Variants in CNTNAP2 observed in about 807,000 individuals in gnomAD.
CNTNAP2 encodes contactin associated protein 2, also known as contactin-associated protein-like 2.
A neutral mutation model predicts 155.2 loss-of-function variants in CNTNAP2; 98 were observed. The ratio of observed to expected loss-of-function variants is 0.63; its 90% CI spans 0.54 to 0.75. The LOEUF is 0.75. CNTNAP2 is among the 30% of genes least tolerant of loss of function. CNTNAP2 has a pLI of 0.00. For synonymous variants in CNTNAP2, 651 were observed against 631.2 expected (o/e 1.03, Z -0.47); for missense variants, 1,727 against 1,688.1 (o/e 1.02, Z -0.40).
chr7:146,182,451 C>A (rs994473922), intron 1 of CNTNAP2, among the ~76,000 whole-genome samples: 3 of 152,084 alleles, frequency 2.0e-5, no homozygotes, highest in Admixed American at 6.6e-5. Flanking sequence ...AGCAGAGAAC[C>A]ATTTCCTTTC....
At chr7:147,550,187 T>C (rs1249876758) in intron 11 of CNTNAP2, among the ~76,000 whole-genome samples, 2 of 152,230 alleles carry the variant, frequency 1.3e-5, no homozygotes, top group African/African-American at 4.8e-5. Context: ...ATTTGTTAAT[T>C]ATTTTTCAGT....
At chr7:147,214,568 C>T (rs1803226738) in intron 8 of CNTNAP2, among the ~76,000 whole-genome samples, 1 of 151,966 alleles carries the variant, frequency 6.6e-6, no homozygotes, top group East Asian at 1.9e-4. Flanking sequence ...TTGCTTATAT[C>T]TCATATAGCC....
intron 8 of CNTNAP2, among the ~76,000 whole-genome samples, chr7:147,259,412 T>C (rs538354169): frequency 6.6e-6 from 1 of 152,110 alleles, no homozygotes; most frequent in Admixed American, 6.5e-5. Context: ...ACCTCGATAA[T>C]GTATAAATAG....
In CNTNAP2 at chr7:148,203,021, G is replaced by T. The variant is rs536579812; in HGVS notation, c.3011-14267G>T. Among the ~76,000 whole-genome samples the T allele has an allele frequency of 3.3e-5, 5 of 151,764 alleles. No individual in the cohort carries two copies. In the South Asian group the frequency reaches 6.2e-4, roughly 19 times the overall value. The stretch of plus-strand genomic sequence containing the variant: ...CTCGATAAATCATAATCCTTCAGTT[G>T]TATTTTCCAAAACCTGCAGTTAGCC... On this transcript the variant is annotated intron_variant, in intron 18 of 23. Transcript: ENST00000361727.
intron 1 of CNTNAP2, among the ~76,000 whole-genome samples, chr7:146,156,541 A>C: frequency 6.6e-6 from 1 of 152,230 alleles, no homozygotes; most frequent in South Asian, 2.1e-4. Context: ...GGTCACAGCT[A>C]TTAAATTATT....
At chr7:148,229,948 C>G (rs1443146380) in intron 20 of CNTNAP2, among the ~76,000 whole-genome samples, 169 bp downstream of exon 20, 1 of 152,094 alleles carries the variant, frequency 6.6e-6, no homozygotes, top group Admixed American at 6.5e-5. Context: ...ATAATTCTGA[C>G]AAGGAAAGAC....
At chr7:146,783,147 T>A (rs1038620681) in intron 2 of CNTNAP2, among the ~76,000 whole-genome samples, 1 of 152,200 alleles carries the variant, frequency 6.6e-6, no homozygotes, top group African/African-American at 2.4e-5. Flanking sequence ...AAGTGTTGTT[T>A]TGTTCTTATT....
At chr7:147,361,677 CTT>C (rs952368128) in intron 9 of CNTNAP2, among the ~76,000 whole-genome samples, 3 of 151,748 alleles carry the variant, frequency 2.0e-5, no homozygotes, top group Non-Finnish European at 2.9e-5. Context: ...TGAATATAAA[CTT>C]GATTATAAAT....
chr7:146,526,609 C>G (rs150992819), intron 1 of CNTNAP2, among the ~76,000 whole-genome samples: 2 of 152,264 alleles, frequency 1.3e-5, no homozygotes, highest in Non-Finnish European at 2.9e-5. Flanking sequence ...TCCCTCCAGG[C>G]CCCACCTCCA....
At chr7:146,663,803 A>G (rs1800137589) in intron 1 of CNTNAP2, among the ~76,000 whole-genome samples, 1 of 152,198 alleles carries the variant, frequency 6.6e-6, no homozygotes, top group Non-Finnish European at 1.5e-5. Flanking sequence ...GTGAATAAAG[A>G]AAATTTTATG....
chr7:148,169,975 CATG>C (rs1805748401), intron 17 of CNTNAP2, among the ~76,000 whole-genome samples: 1 of 151,650 alleles, frequency 6.6e-6, no homozygotes, highest in African/African-American at 2.4e-5. Flanking sequence ...AAAAAAGTTT[CATG>C]ATATGTTAAG....
chr7:146,378,770 A>G (rs1795340426), intron 1 of CNTNAP2, among the ~76,000 whole-genome samples: 1 of 152,210 alleles, frequency 6.6e-6, no homozygotes, highest in Non-Finnish European at 1.5e-5. Flanking sequence ...GTGAAACACA[A>G]TACTCAAATA....
At chr7:146,730,245 T>G (rs1483450477) in intron 1 of CNTNAP2, among the ~76,000 whole-genome samples, 1 of 152,224 alleles carries the variant, frequency 6.6e-6, no homozygotes, top group Non-Finnish European at 1.5e-5. Flanking sequence ...CAGTTTGCTC[T>G]CTTTCCCTAC....
chr7:147,553,308 GA>G (rs758452668), intron 11 of CNTNAP2, among the ~76,000 whole-genome samples: 1 of 152,162 alleles, frequency 6.6e-6, no homozygotes, highest in Non-Finnish European at 1.5e-5. Context: ...GGTAAATGGA[GA>G]AAACCATTAA....
intron 1 of CNTNAP2, among the ~76,000 whole-genome samples, chr7:146,317,617 C>G (rs148107906): frequency 1.1e-3 from 171 of 152,290 alleles, no homozygotes; most frequent in African/African-American, 3.8e-3. Context: ...TAGGAGGTTT[C>G]TAAACCTCTC....
chr7:147,851,527 A>G (rs202162647), intron 13 of CNTNAP2, among the ~76,000 whole-genome samples: 1,648 of 152,172 alleles, frequency 0.011, 88 homozygotes, highest in Admixed American at 0.088. Context: ...CAACCCAAAT[A>G]TCCATCAATG....
intron 12 of CNTNAP2, among the ~76,000 whole-genome samples, chr7:147,626,082 G>T (rs1473234146): frequency 6.6e-6 from 1 of 152,046 alleles, no homozygotes; most frequent in Non-Finnish European, 1.5e-5. Context: ...GCAGCCAGAG[G>T]AATTGGGAAG....
At chr7:148,201,568 A>AT (rs1554402935) in intron 18 of CNTNAP2, among the ~76,000 whole-genome samples, 1 of 152,184 alleles carries the variant, frequency 6.6e-6, no homozygotes, top group Non-Finnish European at 1.5e-5. Context: ...TCCCTTTTTT[A>AT]TAGACATGGG....
At chr7:146,373,502 AT>A (rs1474265409) in intron 1 of CNTNAP2, among the ~76,000 whole-genome samples, 4 of 152,126 alleles carry the variant, frequency 2.6e-5, no homozygotes, top group African/African-American at 9.7e-5. Flanking sequence ...TGAAAGCAGA[AT>A]TTTCTTTTTT....
Sources: allele counts gnomAD v4.1 joint callset (sites outside exome capture counted in the v4.1 genomes callset), GRCh38; gene constraint gnomAD v4.1.1; transcripts MANE v1.5; gene names NCBI Gene and HGNC (gene_info 2026-07-23, HGNC 2026-07-21).